The following HCN1 variants were observed in gnomAD, a reference collection of about 807,000 sequenced individuals.
HCN1 encodes potassium/sodium hyperpolarization-activated cyclic nucleotide-gated channel 1.
HCN1 carries 13 observed loss-of-function variants against 78.9 expected under a neutral mutation model. The ratio of observed to expected loss-of-function variants is 0.16; its 90% CI spans 0.11 to 0.26. The LOEUF is 0.26. HCN1 is among the 10% of genes least tolerant of loss of function. The pLI is 1.00. For missense variants in HCN1, 810 were observed against 1,154.3 expected (o/e 0.70, Z 4.32); for synonymous variants, 552 against 455.5 (o/e 1.21, Z -2.70).
chr5:45,536,008 T>G (rs1242165322), intron 2 of HCN1, among the ~76,000 whole-genome samples: 1 of 152,206 alleles, frequency 6.6e-6, no homozygotes, highest in Non-Finnish European at 1.5e-5. Flanking sequence ...GTTGTTGTTT[T>G]TTAGTTTTGC....
intron 4 of HCN1, among the ~76,000 whole-genome samples, chr5:45,355,776 T>C (rs1220619355): frequency 1.3e-5 from 2 of 152,082 alleles, no homozygotes; most frequent in South Asian, 4.1e-4. Flanking sequence ...TGTTAATACC[T>C]GCCAAGATGT....
intron 1 of HCN1, among the ~76,000 whole-genome samples, chr5:45,665,779 A>T (rs1472814660): frequency 1.3e-5 from 2 of 152,080 alleles, no homozygotes; most frequent in Non-Finnish European, 1.5e-5. Context: ...AACCTATAGA[A>T]TATGTTTATG....
At chr5:45,346,154 C>T (rs1746700807) in intron 5 of HCN1, among the ~76,000 whole-genome samples, 1 of 152,182 alleles carries the variant, frequency 6.6e-6, no homozygotes, top group Non-Finnish European at 1.5e-5. Flanking sequence ...ATGTGGTAAC[C>T]ATCCCCATGA....
chr5:45,490,301 C>T (rs1741856467), intron 2 of HCN1, among the ~76,000 whole-genome samples: 1 of 152,092 alleles, frequency 6.6e-6, no homozygotes, highest in East Asian at 1.9e-4. Context: ...GAAACAGATA[C>T]CAAAGGTCTT....
chr5:45,476,104 T>G (rs1041006568), intron 2 of HCN1, among the ~76,000 whole-genome samples: 3 of 152,110 alleles, frequency 2.0e-5, no homozygotes, highest in African/African-American at 7.2e-5. Context: ...ATTCTCAAGG[T>G]TTCCATAGAT....
At chr5:45,668,255 G>T (rs1331255970) in intron 1 of HCN1, among the ~76,000 whole-genome samples, 2 of 151,788 alleles carry the variant, frequency 1.3e-5, no homozygotes. Context: ...ATCTCAAATT[G>T]TAATCCCCGT....
chr5:45,693,284 T>C (rs973260497), intron 1 of HCN1, among the ~76,000 whole-genome samples: 1 of 152,094 alleles, frequency 6.6e-6, no homozygotes, highest in Non-Finnish European at 1.5e-5. Context: ...GATGTAAATA[T>C]ATTCTGAATG....
At chr5:45,349,483 T>C (rs1425222431) in intron 5 of HCN1, among the ~76,000 whole-genome samples, 3 of 151,598 alleles carry the variant, frequency 2.0e-5, no homozygotes, top group East Asian at 3.9e-4. Context: ...CAAGAGCAAA[T>C]ACATTCAAAA....
At chr5:45,531,457 A>G (rs934726515) in intron 2 of HCN1, among the ~76,000 whole-genome samples, 1 of 152,092 alleles carries the variant, frequency 6.6e-6, no homozygotes, top group Non-Finnish European at 1.5e-5. Flanking sequence ...ATCTTTGTCC[A>G]TAAATCTGAT....
intron 2 of HCN1, among the ~76,000 whole-genome samples, chr5:45,474,228 T>C (rs1741468179): frequency 6.6e-6 from 1 of 151,820 alleles, no homozygotes; most frequent in Non-Finnish European, 1.5e-5. Context: ...TCTGAAGATG[T>C]CCAAAATTAT....
At position 45,262,534 on chromosome 5, in the gene HCN1, G is replaced by A. The variant is rs748584173; in HGVS notation, c.2060C>T (p.Thr687Ile). Residue 687 changes from threonine to isoleucine, a missense_variant, in exon 8 of 8, where the codon ACC (threonine) becomes ATC (isoleucine). Physicochemically the swap from Thr to Ile is moderately conservative, Grantham distance 89 (BLOSUM62 -1). Coordinates refer to ENST00000303230, the MANE Select transcript of HCN1 (RefSeq NM_021072.4). The stretch of plus-strand genomic sequence containing the variant: ...TGACAGGATGGCTGATGGCTGGGGG[G>A]TCTGTGTGCTGGGACTGGGGGAGTG... ...NLHSPSPSTQ[T>I]PQPSAILSPC... The A allele has an allele frequency of 1.9e-6, 3 of 1,613,792 alleles. No individual in the cohort carries two copies. The highest frequency in any genetic ancestry group is 2.2e-5 in the East Asian group (1 of 44,816).
intron 1 of HCN1, among the ~76,000 whole-genome samples, chr5:45,667,059 C>A (rs1048833219): frequency 6.6e-5 from 10 of 151,888 alleles, no homozygotes; most frequent in Non-Finnish European, 1.2e-4. Flanking sequence ...AAAGTGAGAA[C>A]TTAGTTTGAT....
At chr5:45,289,679 G>A (rs1745333951) in intron 6 of HCN1, among the ~76,000 whole-genome samples, 1 of 151,972 alleles carries the variant, frequency 6.6e-6, no homozygotes, top group Non-Finnish European at 1.5e-5. Flanking sequence ...AAATATACAG[G>A]CACAGAAAAA....
chr5:45,411,482 G>C (rs1740022092), intron 3 of HCN1, among the ~76,000 whole-genome samples: 1 of 151,456 alleles, frequency 6.6e-6, no homozygotes, highest in Non-Finnish European at 1.5e-5. Flanking sequence ...TTCAATCATA[G>C]TATTACTAGT....
intron 4 of HCN1, among the ~76,000 whole-genome samples, chr5:45,372,660 T>G (rs1747434030): frequency 1.2e-5 from 1 of 80,184 alleles, no homozygotes; most frequent in Non-Finnish European, 2.1e-5. Flanking sequence ...TATAAAACAT[T>G]TATATATAAA....
At chr5:45,462,681 A>G (rs1258531528) in intron 2 of HCN1, among the ~76,000 whole-genome samples, 1 of 152,020 alleles carries the variant, frequency 6.6e-6, no homozygotes, top group Non-Finnish European at 1.5e-5. Context: ...GTTACTCCTT[A>G]TTGTTTGTAT....
At chr5:45,496,307 A>C (rs1201851600) in intron 2 of HCN1, among the ~76,000 whole-genome samples, 3 of 150,960 alleles carry the variant, frequency 2.0e-5, no homozygotes, top group Non-Finnish European at 4.4e-5. Flanking sequence ...CAGAGATTCA[A>C]CTTCTTCCTG....
At chr5:45,343,040 G>A (rs544936191) in intron 5 of HCN1, among the ~76,000 whole-genome samples, 83 of 152,166 alleles carry the variant, frequency 5.5e-4, no homozygotes, top group Middle Eastern at 3.4e-3. Flanking sequence ...GAAATAAATA[G>A]GTATTATTTG....
At chr5:45,417,277 A>G (rs1740136880) in intron 3 of HCN1, among the ~76,000 whole-genome samples, 1 of 151,916 alleles carries the variant, frequency 6.6e-6, no homozygotes, top group South Asian at 2.1e-4. Flanking sequence ...CCTTTCACCT[A>G]CTACATTAAT....
Sources: allele counts gnomAD v4.1 joint callset (sites outside exome capture counted in the v4.1 genomes callset), GRCh38; gene constraint gnomAD v4.1.1; transcripts MANE v1.5; gene names NCBI Gene and HGNC (gene_info 2026-07-23, HGNC 2026-07-21).